SERPINB8: variants seen among roughly 807,000 people sequenced by gnomAD.
SERPINB8 encodes the protein serpin B8.
Under a neutral mutation model 35.3 loss-of-function variants are expected in SERPINB8, and 25 were observed. That is an observed-to-expected ratio of 0.71 (90% CI 0.52 to 0.99). The LOEUF (loss-of-function observed/expected upper bound fraction) is 0.99. SERPINB8 is among the 50% of genes least tolerant of loss of function. SERPINB8 has a pLI of 0.00. For synonymous variants in SERPINB8, 186 were observed against 160.8 expected (o/e 1.16, Z -1.19); for missense variants, 484 against 446.5 (o/e 1.08, Z -0.76).
intron 1 of SERPINB8, among the ~76,000 whole-genome samples, chr18:63,997,642 G>T (rs558215779): frequency 6.6e-6 from 1 of 152,288 alleles, no homozygotes; most frequent in South Asian, 2.1e-4. Context: ...AGTATGGTTG[G>T]CTACCCAGGC....
At chr18:63,992,760 G>A (rs1189499198), downstream of SERPINB8, among the ~76,000 whole-genome samples, 4 of 152,212 alleles carry the variant, frequency 2.6e-5, no homozygotes, top group African/African-American at 2.4e-5. Flanking sequence ...AGAAGGGGTC[G>A]GGGGCACCTT....
chr18:63,978,292 G>A lies in SERPINB8; in HGVS notation c.-10-7G>A. 2 of 1,614,104 alleles carry A rather than the reference G, an allele frequency of 1.2e-6. No homozygotes were observed. The highest frequency in any genetic ancestry group is 1.1e-5 in the South Asian group (1 of 91,068). On this transcript the variant is annotated splice_polypyrimidine_tract_variant and splice_region_variant and intron_variant, in intron 1 of 6. Transcript: ENST00000397985. ...ATGTGCTTTTCCCTGCTGTGCCTTT[G>A]ATGCAGACCTTCTCTGATGGATGAC...
At chr18:63,972,187 C>T (rs1599124996) in intron 1 of SERPINB8, among the ~76,000 whole-genome samples, 1 of 152,144 alleles carries the variant, frequency 6.6e-6, no homozygotes. Flanking sequence ...TCATCACATC[C>T]GCTTCCCTCC....
chr18:64,011,056 T>A (rs1368036729), intron 7 of SERPINB8, among the ~76,000 whole-genome samples: 1 of 151,988 alleles, frequency 6.6e-6, no homozygotes, highest in Non-Finnish European at 1.5e-5. Context: ...TATAAAATGA[T>A]GTGACAAGAA....
Position 63,985,096 on chromosome 18 carries a change from A to T in SERPINB8, c.571A>T (p.Lys191Ter), listed in dbSNP as rs148861499. 40 of 1,613,322 alleles carry T rather than the reference A, an allele frequency of 2.5e-5. No individual in the cohort carries two copies. The African/African-American group carries it at 4.5e-4, about 18-fold the overall frequency. The change falls in exon 6 of 7, where the codon AAA (lysine) becomes TAA (stop). Residue 191 changes from lysine (K) to a stop codon, truncating the protein, a stop_gained. Coordinates refer to ENST00000397985, the MANE Select transcript of SERPINB8 (RefSeq NM_002640.4). LOFTEE classifies it high-confidence loss of function. Reference protein sequence around the residue: ...RGMLFKTNEEKKTVQMMFKEA... With the variant: ...RGMLFKTNEE ...CGAACTTTAATTTTTCCGTTAGGAA[A>T]AAAAGACAGTGCAGATGATGTTTAA... is the stretch of plus-strand genomic sequence containing the variant.
chr18:63,985,328 A>G lies in SERPINB8; in HGVS notation c.720+83A>G, dbSNP rs2050737069. 39 of 1,492,880 alleles carry G rather than the reference A, an allele frequency of 2.6e-5. 1 individual carries two copies. In the Middle Eastern group the frequency reaches 8.7e-4, roughly 33 times the overall value. The allele number at this position is 1,492,880 out of a possible 1,614,324, so 92.5% of individuals were successfully genotyped here. A position where few individuals can be genotyped will look rare whatever the true frequency, so the allele number is the denominator to read the frequency against. ...ATGTTCATCTACCAATTGGCATTTG[A>G]GGAGTTTCCAGTTGGGGTTATTACA... is the stretch of plus-strand genomic sequence containing the variant. On this transcript the variant is annotated intron_variant, in intron 6 of 6. Coordinates refer to ENST00000397985, the MANE Select transcript of SERPINB8 (RefSeq NM_002640.4).
rs1014112882 is a variant in SERPINB8, at chr18:63,989,252, CA to C, written c.*1975del. 1 of 152,138 alleles carries C rather than the reference CA, an allele frequency of 6.6e-6. No homozygotes were observed. Among genetic ancestry groups the C allele is most frequent in the African/African-American group, 2.4e-5 (1 of 41,414 alleles). The allele number at this position is 152,138 out of a possible 1,614,324, so 9.4% of individuals were successfully genotyped here. ...GTTCATCCCTTTTATTGGTAAGTAA[CA>C]TTTTTTTGTATAGGTATACCATGAT... On this transcript the variant is annotated 3_prime_UTR_variant, in exon 7 of 7. Transcript: ENST00000397985.
chr18:63,970,159 C>T lies in SERPINB8; in HGVS notation c.-22C>T. 2.7e-6 allele frequency: 1 copy of T among 367,470 alleles called. No homozygotes were observed. The highest frequency in any genetic ancestry group is 5.4e-6 in the Non-Finnish European group (1 of 186,472). The allele number at this position is 367,470 out of a possible 1,614,324, so 22.8% of individuals were successfully genotyped here. A position where few individuals can be genotyped will look rare whatever the true frequency, so the allele number is the denominator to read the frequency against. On this transcript the variant is annotated 5_prime_UTR_variant, in exon 1 of 7. Transcript: ENST00000397985. ...GCGGCGGCGGCGGCGGCAGCAGCAG[C>T]AGCAGCAGGAGGTGGGGGCCTCTGC... is the stretch of plus-strand genomic sequence containing the variant.
rs1457666131 is a variant in SERPINB8 at position 63,988,460 on chromosome 18, C to T, written c.*1182C>T. 2.0e-5 allele frequency: 3 copies of T among 152,040 alleles called. No individual in the cohort carries two copies. The highest frequency in any genetic ancestry group is 7.3e-5 in the African/African-American group (3 of 41,376). 9.4% of individuals were successfully genotyped at this position (152,040 alleles called of 1,614,324 possible). ...CTGTTTTGGATATACTAAATATTTG[C>T]TCACATCCTTAATATATTTTTTAAA... On this transcript the variant is annotated 3_prime_UTR_variant, in exon 7 of 7. Transcript: ENST00000397985.
rs375072419 is a variant in SERPINB8, at chr18:63,978,426, G to A, written c.118G>A (p.Ala40Thr). 1.9e-6 allele frequency: 3 copies of A among 1,614,176 alleles called. No homozygotes were observed. The highest frequency in any genetic ancestry group is 2.7e-5 in the African/African-American group (2 of 75,034). ...FSPMSISSAL[A>T]MVFMGAKGST... ...TCCCATGAGCATCTCCTCTGCCCTGGCCATGGTCTTCATGGGGGCAAAGGG... is the reference window on the plus strand; with the variant it reads ...TCCCATGAGCATCTCCTCTGCCCTGACCATGGTCTTCATGGGGGCAAAGGG... The change falls in exon 2 of 7, where the codon GCC (alanine) becomes ACC (threonine). Residue 40 changes from alanine (A) to threonine (T), a missense_variant. By Grantham distance (58) the Ala-to-Thr change is moderately conservative (BLOSUM62 0). Coordinates refer to ENST00000397985, the MANE Select transcript of SERPINB8 (RefSeq NM_002640.4).
downstream of SERPINB8, among the ~76,000 whole-genome samples, chr18:63,991,811 G>A (rs755979439): frequency 2.0e-5 from 3 of 152,136 alleles, no homozygotes; most frequent in Non-Finnish European, 4.4e-5. Flanking sequence ...TTTCATAGGT[G>A]CCCTTTAACA....
At chr18:64,015,276 G>T (rs930341889) in intron 7 of SERPINB8, among the ~76,000 whole-genome samples, 1 of 152,158 alleles carries the variant, frequency 6.6e-6, no homozygotes, top group Non-Finnish European at 1.5e-5. Context: ...GGCAAGGGTG[G>T]ATTTGTAGAT....
chr18:64,012,904 G>A (rs1187804107), intron 7 of SERPINB8, among the ~76,000 whole-genome samples: 1 of 152,126 alleles, frequency 6.6e-6, no homozygotes, highest in Non-Finnish European at 1.5e-5. Context: ...CGACCTGCAT[G>A]TTGCGCAGGC....
chr18:63,983,952 T>C (rs545193202), intron 5 of SERPINB8, among the ~76,000 whole-genome samples: 1 of 152,334 alleles, frequency 6.6e-6, no homozygotes, highest in East Asian at 1.9e-4. Flanking sequence ...GCTCAAATGA[T>C]TCCCCAACCT....
At chr18:63,994,819 C>T (rs1422767857) in intron 1 of SERPINB8, among the ~76,000 whole-genome samples, 2 of 152,154 alleles carry the variant, frequency 1.3e-5, no homozygotes, top group Admixed American at 6.5e-5. Context: ...AATTTTTATG[C>T]CACTACTGCT....
At chr18:64,017,836 TAC>T (rs2050957711) in intron 7 of SERPINB8, among the ~76,000 whole-genome samples, 2 of 152,228 alleles carry the variant, frequency 1.3e-5, no homozygotes, top group Non-Finnish European at 2.9e-5. Flanking sequence ...CTCATTTATC[TAC>T]TAATCATGAC....
At chr18:63,981,932 C>T in intron 4 of SERPINB8, 94 bp downstream of exon 4, 1 of 801,260 alleles carries the variant, frequency 1.2e-6, no homozygotes, top group Non-Finnish European at 2.1e-6. Context: ...CCACTGTGAC[C>T]TGCATACCAC....
chr18:63,989,919 G>A (rs2050813603), downstream of SERPINB8, among the ~76,000 whole-genome samples: 1 of 127,168 alleles, frequency 7.9e-6, no homozygotes, highest in Non-Finnish European at 1.6e-5. Flanking sequence ...CTCCAGCCTG[G>A]GCGACAGAGC....
chr18:64,001,552 G>T (rs1301705599), intron 1 of SERPINB8, among the ~76,000 whole-genome samples: 1 of 151,960 alleles, frequency 6.6e-6, no homozygotes, highest in Non-Finnish European at 1.5e-5. Flanking sequence ...GTGCAATGGA[G>T]CAATCTCTGC....
Sources: gnomAD v4.1 joint callset for allele counts (sites outside exome capture counted in the v4.1 genomes callset) on GRCh38, gnomAD v4.1.1 for gene constraint, MANE v1.5 for transcripts, NCBI Gene and HGNC (gene_info 2026-07-23, HGNC 2026-07-21) for gene names.